Variants in ARHGAP10 observed in about 807,000 individuals in gnomAD.
ARHGAP10 encodes the protein rho GTPase-activating protein 10.
Under a neutral mutation model 108.6 loss-of-function variants are expected in ARHGAP10, and 87 were observed. The ratio of observed to expected loss-of-function variants is 0.80; its 90% confidence interval spans 0.67 to 0.96. The LOEUF is 0.96. ARHGAP10 is among the 40% of genes least tolerant of loss of function. The pLI is 0.00. For missense variants in ARHGAP10, 939 were observed against 954.5 expected (o/e 0.98, Z 0.21); for synonymous variants, 347 against 341.1 (o/e 1.02, Z -0.19).
chr4:148,020,966 G>A (rs1186521838), intron 18 of ARHGAP10, among the ~76,000 whole-genome samples: 3 of 152,136 alleles, frequency 2.0e-5, no homozygotes, highest in Non-Finnish European at 4.4e-5. Flanking sequence ...GTGTAAAATA[G>A]CTGTAGAATA....
intron 3 of ARHGAP10, among the ~76,000 whole-genome samples, chr4:147,841,901 T>C (rs996971649): frequency 2.0e-5 from 3 of 152,208 alleles, no homozygotes; most frequent in Non-Finnish European, 4.4e-5. Context: ...CTTACCGATC[T>C]GAAGATAGTA....
At chr4:147,884,171 A>G (rs951419971) in intron 10 of ARHGAP10, among the ~76,000 whole-genome samples, 28 of 152,208 alleles carry the variant, frequency 1.8e-4, no homozygotes, top group African/African-American at 6.5e-4. Context: ...AATCATTTTA[A>G]TCATCCAGAG....
chr4:147,741,389 A>C (rs1728651286), intron 1 of ARHGAP10, among the ~76,000 whole-genome samples: 1 of 152,248 alleles, frequency 6.6e-6, no homozygotes, highest in Admixed American at 6.5e-5. Context: ...CTATATGAGA[A>C]CTGGTTTGAG....
At chr4:147,969,181 C>A (rs1371296979) in intron 18 of ARHGAP10, among the ~76,000 whole-genome samples, 1 of 152,166 alleles carries the variant, frequency 6.6e-6, no homozygotes, top group Admixed American at 6.5e-5. Flanking sequence ...GTACTTGTTG[C>A]ATTGGCTGTT....
chr4:147,796,317 C>T (rs1054318917), intron 1 of ARHGAP10, among the ~76,000 whole-genome samples: 5 of 152,074 alleles, frequency 3.3e-5, no homozygotes, highest in South Asian at 4.2e-4. Flanking sequence ...GACAAACACA[C>T]GTGTACTTAC....
intron 1 of ARHGAP10, among the ~76,000 whole-genome samples, chr4:147,804,529 A>G (rs1181963729): frequency 1.3e-5 from 2 of 152,186 alleles, no homozygotes; most frequent in Non-Finnish European, 2.9e-5. Context: ...CAATAATGGG[A>G]TTGCTGGGTC....
chr4:147,876,220 T>C (rs926959047), intron 8 of ARHGAP10, among the ~76,000 whole-genome samples: 6 of 152,212 alleles, frequency 3.9e-5, no homozygotes, highest in Non-Finnish European at 5.9e-5. Flanking sequence ...TTGTATGATA[T>C]GGCAGAAGTC....
intron 10 of ARHGAP10, among the ~76,000 whole-genome samples, chr4:147,883,225 AAG>A (rs1349197438): frequency 6.6e-6 from 1 of 152,204 alleles, no homozygotes; most frequent in African/African-American, 2.4e-5. Flanking sequence ...AAAAATATGA[AAG>A]AGAATGTCAG....
At chr4:148,043,997 A>G (rs1337175488) in intron 19 of ARHGAP10, among the ~76,000 whole-genome samples, 2 of 152,014 alleles carry the variant, frequency 1.3e-5, no homozygotes, top group Non-Finnish European at 2.9e-5. Flanking sequence ...ATTCCTGAAC[A>G]GTGAAGGAGG....
intron 3 of ARHGAP10, among the ~76,000 whole-genome samples, chr4:147,825,451 A>G (rs896491588): frequency 6.6e-6 from 1 of 152,068 alleles, no homozygotes; most frequent in Non-Finnish European, 1.5e-5. Context: ...CATCTCAAAA[A>G]AAAAAAAGTG....
rs760386382 is a variant in ARHGAP10, at chr4:147,767,955, A to G, written c.154+35500A>G. 4.7e-4 allele frequency among the ~76,000 whole-genome samples: 72 copies of G among 152,260 alleles called. 1 individual carries two copies. The highest frequency in any genetic ancestry group is 2.6e-4 in the Admixed American group (4 of 15,288). On this transcript the variant is annotated intron_variant, in intron 1 of 22. Transcript: ENST00000336498. ...AGATTATCAAATTATGAAATGTGTTATATATGAATATACTAGGGAGTACCT... is the reference window on the plus strand; with the variant it reads ...AGATTATCAAATTATGAAATGTGTTGTATATGAATATACTAGGGAGTACCT...
chr4:147,810,694 C>T (rs1333186953), intron 1 of ARHGAP10, among the ~76,000 whole-genome samples: 1 of 152,168 alleles, frequency 6.6e-6, no homozygotes, highest in Non-Finnish European at 1.5e-5. Flanking sequence ...ACATCAAAGA[C>T]CTCTCTGTAG....
At chr4:147,934,957 A>G (rs746139655) in intron 13 of ARHGAP10, among the ~76,000 whole-genome samples, 1 of 152,176 alleles carries the variant, frequency 6.6e-6, no homozygotes, top group Non-Finnish European at 1.5e-5. Context: ...CCGGTTTTGA[A>G]GGTTTAGATG....
chr4:148,039,022 G>A (rs1728503875), intron 19 of ARHGAP10, among the ~76,000 whole-genome samples: 1 of 151,878 alleles, frequency 6.6e-6, no homozygotes, highest in Non-Finnish European at 1.5e-5. Context: ...AATTTAATGG[G>A]CTATCAACTC....
intron 20 of ARHGAP10, among the ~76,000 whole-genome samples, chr4:148,055,902 G>A (rs73853714): frequency 0.016 from 2,382 of 152,090 alleles, 63 homozygotes; most frequent in African/African-American, 0.055. Flanking sequence ...AAGATGGAGG[G>A]GATTCTCCAT....
chr4:147,953,334 A>G (rs1738678451), intron 15 of ARHGAP10, among the ~76,000 whole-genome samples: 1 of 152,044 alleles, frequency 6.6e-6, no homozygotes, highest in Admixed American at 6.6e-5. Context: ...GAATTTGTAT[A>G]GAATCAGTAG....
chr4:147,866,494 G>A (rs1007594915), intron 6 of ARHGAP10: 11 of 480,518 alleles, frequency 2.3e-5, no homozygotes, highest in Non-Finnish European at 4.1e-5. Flanking sequence ...GCTGTCTAAT[G>A]GCTGTGATAT....
intron 13 of ARHGAP10, among the ~76,000 whole-genome samples, chr4:147,914,168 T>A (rs1039316337): frequency 2.6e-5 from 4 of 152,088 alleles, no homozygotes; most frequent in Admixed American, 6.5e-5. Flanking sequence ...AGAAATCCGC[T>A]TTATTGAGGT....
intron 18 of ARHGAP10, among the ~76,000 whole-genome samples, chr4:148,009,051 T>TC (rs1485857647): frequency 1.3e-5 from 2 of 152,214 alleles, no homozygotes; most frequent in East Asian, 3.9e-4. Flanking sequence ...ACTGTCAAGA[T>TC]CAACAGATAA....
Sources: allele counts gnomAD v4.1 joint callset (sites outside exome capture counted in the v4.1 genomes callset), GRCh38; gene constraint gnomAD v4.1.1; transcripts MANE v1.5; gene names NCBI Gene and HGNC (gene_info 2026-07-23, HGNC 2026-07-21).